Variants in IFT43 observed in about 807,000 individuals in gnomAD.
The protein encoded by IFT43 is intraflagellar transport 43.
A neutral mutation model predicts 32.3 loss-of-function variants in IFT43; 33 were observed. That is an observed-to-expected ratio of 1.02 (90% CI 0.77 to 1.37). The LOEUF (loss-of-function observed/expected upper bound fraction) is 1.37. Among genes scored for constraint, IFT43 ranks in the 40% most tolerant of loss-of-function variants. The pLI is 0.00. For synonymous variants in IFT43, 93 were observed against 98.2 expected (o/e 0.95, Z 0.31); for missense variants, 274 against 265.9 (o/e 1.03, Z -0.21).
In IFT43 at chr14:76,014,868, T is replaced by G. The variant is rs888735918; in HGVS notation, c.148-7459T>G. Among the ~76,000 whole-genome samples the G allele has an allele frequency of 3.9e-5, 6 of 152,270 alleles. 1 individual carries two copies. Among genetic ancestry groups the G allele is most frequent in the Admixed American group, 3.9e-4 (6 of 15,298 alleles). On this transcript the variant is annotated intron_variant, in intron 2 of 8. Transcript: ENST00000314067. Reference sequence around the variant, plus strand: ...TCACCTTTGGACCCTGGATGCAGCCTCTTCCTGGAACAATTCTGTGTCTCC... The same window carrying G: ...TCACCTTTGGACCCTGGATGCAGCCGCTTCCTGGAACAATTCTGTGTCTCC...
At chr14:76,049,387 G>A (rs990817758) in intron 3 of IFT43, among the ~76,000 whole-genome samples, 2 of 151,474 alleles carry the variant, frequency 1.3e-5, no homozygotes, top group South Asian at 2.1e-4. Context: ...AAAATAGGCC[G>A]TACGCTCTTG....
Position 76,063,974 on chromosome 14 carries a change from CA to C in IFT43, c.295+4602del, listed in dbSNP as rs760641479. ...TGTAGGAACTGAGGACCAGCGAGGG[CA>C]GGAGTCCTGTGAAGAAGTACTTCTG... On this transcript the variant is annotated intron_variant, in intron 5 of 8. Transcript: ENST00000314067. Among the ~76,000 whole-genome samples, 14 of 152,278 alleles carry C rather than the reference CA, an allele frequency of 9.2e-5. No individual in the cohort carries two copies. In the South Asian group the frequency reaches 1.7e-3, roughly 18 times the overall value.
intron 2 of IFT43, among the ~76,000 whole-genome samples, chr14:76,018,385 A>G (rs2036229111): frequency 6.6e-6 from 1 of 152,032 alleles, no homozygotes; most frequent in South Asian, 2.1e-4. Context: ...ATTGATTTCT[A>G]GTTTTATTCC....
At chr14:75,993,505 A>G (rs2035682222) in intron 2 of IFT43, among the ~76,000 whole-genome samples, 1 of 152,180 alleles carries the variant, frequency 6.6e-6, no homozygotes, top group Admixed American at 6.5e-5. Context: ...TTCCGTCTGA[A>G]TTGAAAACTC....
At chr14:76,031,286 G>GCTATTGTC (rs2036505856) in intron 3 of IFT43, among the ~76,000 whole-genome samples, 1 of 152,088 alleles carries the variant, frequency 6.6e-6, no homozygotes, top group South Asian at 2.1e-4. Context: ...TTTCTAAATG[G>GCTATTGTC]CTATTGTCCC....
intron 2 of IFT43, 135 bp downstream of exon 2, chr14:75,989,112 C>T: frequency 8.8e-7 from 1 of 1,138,964 alleles, no homozygotes. Flanking sequence ...TTGGGAATTC[C>T]CTTCCTTGGC....
chr14:75,986,317 C>T (rs1156934592), intron 1 of IFT43: 5 of 1,234,024 alleles, frequency 4.1e-6, no homozygotes, highest in African/African-American at 1.6e-5. Context: ...CGGTAATCCC[C>T]GTGGGGAGGT....
intron 5 of IFT43, among the ~76,000 whole-genome samples, chr14:76,077,523 CAGCTAGTT>C (rs1333452095): frequency 1.3e-5 from 2 of 152,160 alleles, no homozygotes; most frequent in Non-Finnish European, 2.9e-5. Flanking sequence ...GCATTGCTGT[CAGCTAGTT>C]CACCATCCAG....
intron 3 of IFT43, among the ~76,000 whole-genome samples, chr14:76,036,488 T>TC (rs1449942559): frequency 2.0e-5 from 3 of 146,688 alleles, no homozygotes; most frequent in Non-Finnish European, 4.5e-5. Context: ...TCACTGAGTC[T>TC]CCGCCACCCA....
intron 5 of IFT43, among the ~76,000 whole-genome samples, chr14:76,076,149 G>T (rs17183935): frequency 1.3e-5 from 2 of 152,064 alleles, no homozygotes; most frequent in Non-Finnish European, 2.9e-5. Flanking sequence ...AAGAAATTTG[G>T]GAAGAGATTG....
intron 5 of IFT43, among the ~76,000 whole-genome samples, chr14:76,061,981 T>A (rs1164960991): frequency 1.3e-5 from 2 of 152,166 alleles, no homozygotes; most frequent in African/African-American, 4.8e-5. Context: ...GCTCTTTTCA[T>A]GTTCTTTTGC....
rs567702746 is a variant in IFT43 at position 76,068,179 on chromosome 14, C to T, written c.295+8806C>T. ...AACTGATCCCTGAGGGCTGAGAGCA[C>T]TTCAGGAGAAAGGAAGAGCATGTGC... is the stretch of plus-strand genomic sequence containing the variant. On this transcript the variant is annotated intron_variant, in intron 5 of 8. Transcript: ENST00000314067. Among the ~76,000 whole-genome samples the T allele has an allele frequency of 6.6e-5, 10 of 152,276 alleles. No homozygotes were observed. In the East Asian group the frequency reaches 1.9e-3, roughly 29 times the overall value.
intron 3 of IFT43, among the ~76,000 whole-genome samples, chr14:76,036,771 A>G (rs893175979): frequency 2.0e-5 from 3 of 150,894 alleles, no homozygotes; most frequent in South Asian, 2.1e-4. Flanking sequence ...TGTTTTCCCA[A>G]TGCCATTGAT....
chr14:76,048,397 G>A (rs1217574341), intron 3 of IFT43, among the ~76,000 whole-genome samples: 1 of 152,208 alleles, frequency 6.6e-6, no homozygotes. Context: ...AAAGCCAGGA[G>A]GGAATGATTA....
intron 3 of IFT43, among the ~76,000 whole-genome samples, chr14:76,044,927 C>G (rs1234937171): frequency 2.0e-5 from 3 of 152,112 alleles, no homozygotes; most frequent in African/African-American, 7.2e-5. Context: ...TTTCCTCTAG[C>G]TTACTTTATT....
chr14:76,062,286 G>A (rs2037150697), intron 5 of IFT43, among the ~76,000 whole-genome samples: 1 of 151,940 alleles, frequency 6.6e-6, no homozygotes, highest in Non-Finnish European at 1.5e-5. Context: ...TAGCCAGGAT[G>A]GTCTCGATCT....
chr14:76,042,426 C>T (rs941158148), intron 3 of IFT43, among the ~76,000 whole-genome samples: 4 of 152,134 alleles, frequency 2.6e-5, no homozygotes, highest in African/African-American at 4.8e-5. Flanking sequence ...CATCTTTGCC[C>T]GTGGTAGAAC....
At chr14:76,022,960 T>C (rs1229917645) in intron 3 of IFT43, among the ~76,000 whole-genome samples, 3 of 152,238 alleles carry the variant, frequency 2.0e-5, no homozygotes, top group African/African-American at 2.4e-5. Context: ...TCACCCTGCC[T>C]AGTTGGTATC....
At chr14:76,027,668 C>T (rs2036428640) in intron 3 of IFT43, among the ~76,000 whole-genome samples, 1 of 148,936 alleles carries the variant, frequency 6.7e-6, no homozygotes, top group Non-Finnish European at 1.5e-5. Flanking sequence ...GAGATTGTGC[C>T]ACTGCGCTCC....
Sources: allele counts gnomAD v4.1 joint callset (sites outside exome capture counted in the v4.1 genomes callset), GRCh38; gene constraint gnomAD v4.1.1; transcripts MANE v1.5; gene names NCBI Gene and HGNC (gene_info 2026-07-23, HGNC 2026-07-21).